SENP7: variants seen among roughly 807,000 people sequenced by gnomAD.
SENP7 encodes the protein sentrin-specific protease 7.
Under a neutral mutation model 141.2 loss-of-function variants are expected in SENP7, and 64 were observed. The observed-to-expected ratio is 0.45, with a 90% confidence interval of 0.37 to 0.56. The LOEUF (loss-of-function observed/expected upper bound fraction) is 0.56, where lower values mean the gene tolerates loss of function less well. Ranked by LOEUF, SENP7 falls within the 20% of genes least tolerant of loss-of-function variation. The pLI is 0.00. For synonymous variants in SENP7, 382 were observed against 426.4 expected (o/e 0.90, Z 1.28); for missense variants, 1,025 against 1,212.2 (o/e 0.85, Z 2.29).
intron 6 of SENP7, among the ~76,000 whole-genome samples, chr3:101,375,415 C>T (rs576392326): frequency 4.6e-5 from 7 of 151,866 alleles, no homozygotes; most frequent in African/African-American, 9.7e-5. Flanking sequence ...TGGTGGCGCA[C>T]GCCTGTAATC....
chr3:101,471,563 AG>A (rs2063996853), intron 3 of SENP7, among the ~76,000 whole-genome samples: 1 of 152,250 alleles, frequency 6.6e-6, no homozygotes, highest in Non-Finnish European at 1.5e-5. Flanking sequence ...AAGAAAACCT[AG>A]GGAATACCAT....
chr3:101,364,126 G>A (rs1401758694), intron 10 of SENP7, among the ~76,000 whole-genome samples: 2 of 152,060 alleles, frequency 1.3e-5, no homozygotes, highest in Admixed American at 6.5e-5. Context: ...TACCTGAGAG[G>A]CTGAATGAGA....
intron 7 of SENP7, among the ~76,000 whole-genome samples, chr3:101,371,208 G>T (rs1359098955): frequency 6.6e-6 from 1 of 152,124 alleles, no homozygotes; most frequent in African/African-American, 2.4e-5. Flanking sequence ...AGGATCACTT[G>T]AGCCCAGGAG....
chr3:101,416,704 T>C (rs151281492), intron 5 of SENP7, among the ~76,000 whole-genome samples: 379 of 152,320 alleles, frequency 2.5e-3, no homozygotes, highest in African/African-American at 8.9e-3. Flanking sequence ...AGTATTCTCT[T>C]TAAAAATTAA....
intron 3 of SENP7, 49 bp downstream of exon 3, chr3:101,493,823 AC>A: frequency 9.1e-7 from 1 of 1,100,984 alleles, no homozygotes; most frequent in South Asian, 1.5e-5. Context: ...AATATTTTAA[AC>A]ATACCAAATA....
chr3:101,339,501 A>G (rs4234487), intron 16 of SENP7, among the ~76,000 whole-genome samples: 60,363 of 151,998 alleles, frequency 0.4, 12,502 homozygotes, highest in Admixed American at 0.54. Context: ...AGGGCAGATC[A>G]CCTGAGGTCA....
At chr3:101,424,519 C>T (rs2061893684) in intron 4 of SENP7, among the ~76,000 whole-genome samples, 1 of 152,076 alleles carries the variant, frequency 6.6e-6, no homozygotes. Flanking sequence ...AAGTACCTCA[C>T]CCTTGCACCA....
chr3:101,444,633 A>AT (rs1330000589), intron 4 of SENP7, among the ~76,000 whole-genome samples: 1 of 151,696 alleles, frequency 6.6e-6, no homozygotes, highest in Non-Finnish European at 1.5e-5. Flanking sequence ...TCAGTAAACT[A>AT]TCGCAAGAAC....
chr3:101,346,336 A>G (rs1190836312), intron 13 of SENP7, among the ~76,000 whole-genome samples: 1 of 152,208 alleles, frequency 6.6e-6, no homozygotes, highest in African/African-American at 2.4e-5. Flanking sequence ...TACACCCACT[A>G]TGGAAGAGTG....
intron 11 of SENP7, among the ~76,000 whole-genome samples, chr3:101,354,296 T>C (rs1397129830): frequency 2.0e-5 from 3 of 152,116 alleles, no homozygotes; most frequent in African/African-American, 7.2e-5. Flanking sequence ...GGGGTACATG[T>C]ACAGGTCTGC....
intron 9 of SENP7, among the ~76,000 whole-genome samples, chr3:101,365,634 CAAAAAAAAAAAAA>C (rs1010380283): frequency 9.7e-5 from 6 of 62,134 alleles, no homozygotes; most frequent in Non-Finnish European, 1.6e-4. Flanking sequence ...GACTCTGTCT[CAAAAAAAAAAAAA>C]AAAAAAAAAA....
chr3:101,357,265 T>C (rs930505428), intron 11 of SENP7: 1 of 481,868 alleles, frequency 2.1e-6, no homozygotes, highest in Non-Finnish European at 3.9e-6. Flanking sequence ...CCTCCCAAAG[T>C]GCTGAGATTA....
At chr3:101,501,589 A>T (rs1367530421) in intron 1 of SENP7, among the ~76,000 whole-genome samples, 1 of 150,324 alleles carries the variant, frequency 6.7e-6, no homozygotes, top group Non-Finnish European at 1.5e-5. Flanking sequence ...ATGCTTAGGG[A>T]ACAGCTTAAC....
chr3:101,387,862 G>C (rs542655726), intron 6 of SENP7, among the ~76,000 whole-genome samples: 1 of 152,190 alleles, frequency 6.6e-6, no homozygotes, highest in Admixed American at 6.5e-5. Context: ...TTGTCAGGGG[G>C]ACTAGGGATC....
At chr3:101,328,815 A>G (rs2107188153) in intron 20 of SENP7, 126 bp from the exon 21 acceptor site, 1 of 699,958 alleles carries the variant, frequency 1.4e-6, no homozygotes, top group African/African-American at 1.8e-5. Flanking sequence ...CTTCATCATC[A>G]AAAGTGAGCT....
At chr3:101,483,308 C>T (rs55759062) in intron 3 of SENP7, among the ~76,000 whole-genome samples, 81,630 of 151,974 alleles carry the variant, frequency 0.54, 22,306 homozygotes, top group Admixed American at 0.62. Flanking sequence ...CATAGGATCA[C>T]CTAAGCTAAT....
At chr3:101,401,156 T>C (rs1000594133) in intron 5 of SENP7, among the ~76,000 whole-genome samples, 1 of 151,820 alleles carries the variant, frequency 6.6e-6, no homozygotes, top group African/African-American at 2.4e-5. Context: ...TGTTGAAAGC[T>C]GAGACAGGCT....
intron 6 of SENP7, among the ~76,000 whole-genome samples, chr3:101,380,787 C>T (rs1385084868): frequency 6.6e-6 from 1 of 151,856 alleles, no homozygotes; most frequent in Non-Finnish European, 1.5e-5. Flanking sequence ...TATCCAGATA[C>T]ATACTATTTA....
At position 101,364,913 on chromosome 3, in the gene SENP7, C is replaced by T. The variant is rs369409505; in HGVS notation, c.1397G>A (p.Arg466His). ...ACTCTCATTTTCATTAGTTGTCTCACGGTCTTGCTTAGATTGTAACTTAAG... is the reference window on the plus strand; with the variant it reads ...ACTCTCATTTTCATTAGTTGTCTCATGGTCTTGCTTAGATTGTAACTTAAG... ...EILKLQSKQDRETTNENESTS... is the reference protein window; with the variant it reads ...EILKLQSKQDHETTNENESTS... The change falls in exon 10 of 24, where the codon CGT becomes CAT. Residue 466 changes from arginine (R) to histidine (H), a missense_variant. Transcript: ENST00000394095. 8.5e-5 allele frequency: 136 copies of T among 1,602,594 alleles called. No homozygotes were observed. The highest frequency in any genetic ancestry group is 2.7e-4 in the African/African-American group (20 of 74,496).
Sources: allele counts gnomAD v4.1 joint callset (sites outside exome capture counted in the v4.1 genomes callset), GRCh38; gene constraint gnomAD v4.1.1; transcripts MANE v1.5; gene names NCBI Gene and HGNC (gene_info 2026-07-23, HGNC 2026-07-21).